PRELID2: variants seen among roughly 807,000 people sequenced by gnomAD.
PRELID2 encodes the protein PRELI domain containing 2.
PRELID2 carries 25 observed loss-of-function variants against 28.4 expected under a neutral mutation model. That is an observed-to-expected ratio of 0.88 (90% CI 0.64 to 1.23). The LOEUF (loss-of-function observed/expected upper bound fraction) is 1.23, where lower values mean the gene tolerates loss of function less well. PRELID2 is among the 50% of genes most tolerant of loss of function. The probability of loss-of-function intolerance (pLI) is 0.00; values close to 1 mark genes in which losing one functional copy is unlikely to be tolerated. For missense variants in PRELID2, 201 were observed against 214.4 expected (o/e 0.94, Z 0.39); for synonymous variants, 76 against 71.6 (o/e 1.06, Z -0.31).
At chr5:145,454,398 C>T in the PRELID2 span, among the ~76,000 whole-genome samples, 1 of 152,148 alleles carries the variant, frequency 6.6e-6, no homozygotes, top group Non-Finnish European at 1.5e-5. Flanking sequence ...CTCACCACTC[C>T]TATTCAACAT....
At chr5:145,485,914 T>C (rs1405443158) in intron 1 of PRELID2, among the ~76,000 whole-genome samples, 1 of 152,226 alleles carries the variant, frequency 6.6e-6, no homozygotes, top group Non-Finnish European at 1.5e-5. Context: ...TGAAAAATTA[T>C]TTATATAGGT....
At chr5:145,467,104 A>G (rs1045910050), downstream of PRELID2, among the ~76,000 whole-genome samples, 4 of 152,168 alleles carry the variant, frequency 2.6e-5, no homozygotes, top group African/African-American at 4.8e-5. Context: ...AAACCCAGGA[A>G]GACCCTTTCC....
At chr5:145,573,290 C>T (rs368733032) in intron 1 of PRELID2, among the ~76,000 whole-genome samples, 16 of 152,192 alleles carry the variant, frequency 1.1e-4, no homozygotes, top group African/African-American at 3.9e-4. Context: ...AACTAGTCCC[C>T]AAATAATTGG....
intron 6 of PRELID2, among the ~76,000 whole-genome samples, chr5:145,761,732 T>C (rs1341269387): frequency 6.6e-6 from 1 of 152,200 alleles, no homozygotes; most frequent in Non-Finnish European, 1.5e-5. Flanking sequence ...AAACTTTGTG[T>C]ATAAAAGCAG....
At chr5:145,700,782 A>C (rs1281193586) in intron 1 of PRELID2, among the ~76,000 whole-genome samples, 1 of 152,170 alleles carries the variant, frequency 6.6e-6, no homozygotes, top group South Asian at 2.1e-4. Context: ...ACAAATACCA[A>C]TATCGGTTCC....
the PRELID2 span, chr5:145,441,232 GC>G: frequency 6.6e-6 from 1 of 152,010 alleles, no homozygotes; most frequent in Non-Finnish European, 1.5e-5. Flanking sequence ...AAGAACATTA[GC>G]ACCTAAGGCC....
At chr5:145,736,013 A>G (rs1161847236) in intron 1 of PRELID2, among the ~76,000 whole-genome samples, 1 of 152,118 alleles carries the variant, frequency 6.6e-6, no homozygotes, top group Non-Finnish European at 1.5e-5. Flanking sequence ...GTCACCCAGG[A>G]CCTCTCATCA....
the PRELID2 span, among the ~76,000 whole-genome samples, chr5:145,463,066 A>G: frequency 2.2e-3 from 340 of 152,280 alleles, 1 homozygote; most frequent in African/African-American, 7.5e-3. Context: ...TATGTTGAAA[A>G]ATGAAACTGA....
the PRELID2 span, among the ~76,000 whole-genome samples, chr5:145,301,930 CTTTT>C: frequency 4.5e-5 from 5 of 110,184 alleles, no homozygotes; most frequent in African/African-American, 1.0e-4. Flanking sequence ...TTATTCATTT[CTTTT>C]TTTTTTTTTT....
chr5:145,230,515 G>A, the PRELID2 span, among the ~76,000 whole-genome samples: 1 of 152,058 alleles, frequency 6.6e-6, no homozygotes, highest in Non-Finnish European at 1.5e-5. Flanking sequence ...GGAGGTGGAG[G>A]TTGCAGTGAG....
chr5:145,620,119 A>G (rs1005493771), intron 1 of PRELID2, among the ~76,000 whole-genome samples: 1 of 152,200 alleles, frequency 6.6e-6, no homozygotes, highest in Admixed American at 6.5e-5. Context: ...TGTAAACCTG[A>G]ACACATTCAT....
chr5:145,481,623 CAAAAAAAAAAAAAAAA>C lies in PRELID2; in HGVS notation n.71-8324_71-8309del, dbSNP rs70998021. On this transcript the variant is annotated intron_variant and non_coding_transcript_variant, in intron 1 of 2. Transcript: ENST00000510259. Reference sequence around the variant, plus strand: ...CTGGGTGATAAGAAAGCAAGGAAATCAAAAAAAAAAAAAAAAAAAAAAAAAAAAAAGAAAGAAAGAA... The same window carrying C: ...CTGGGTGATAAGAAAGCAAGGAAATCAAAAAAAAAAAAAAGAAAGAAAGAA... Among the ~76,000 whole-genome samples, 102 of 41,870 alleles carry C rather than the reference CAAAAAAAAAAAAAAAA, an allele frequency of 2.4e-3. 1 individual carries two copies. Among genetic ancestry groups the C allele is most frequent in the African/African-American group, 0.011 (95 of 8,468 alleles). 27.5% of individuals were successfully genotyped at this position (41,870 alleles called of 152,430 possible). A position where few individuals can be genotyped will look rare whatever the true frequency, so the allele number is the denominator to read the frequency against.
the PRELID2 span, among the ~76,000 whole-genome samples, chr5:145,261,108 C>T: frequency 9.9e-5 from 15 of 152,222 alleles, no homozygotes; most frequent in African/African-American, 3.1e-4. Flanking sequence ...CACCCAGGAA[C>T]GTAATTTCAT....
chr5:145,557,700 C>A (rs1274354394), intron 1 of PRELID2, among the ~76,000 whole-genome samples: 1 of 152,152 alleles, frequency 6.6e-6, no homozygotes, highest in African/African-American at 2.4e-5. Flanking sequence ...GGCACTATTT[C>A]ATTTTAATTC....
At chr5:145,428,053 G>T in the PRELID2 span, among the ~76,000 whole-genome samples, 1 of 152,088 alleles carries the variant, frequency 6.6e-6, no homozygotes, top group Non-Finnish European at 1.5e-5. Flanking sequence ...CTGCCTCCTG[G>T]GTTCAAGCGA....
chr5:145,410,034 A>C, the PRELID2 span, among the ~76,000 whole-genome samples: 1 of 152,208 alleles, frequency 6.6e-6, no homozygotes, highest in African/African-American at 2.4e-5. Context: ...GATCTTTGAC[A>C]AAGTAAACAA....
chr5:145,385,213 A>G, the PRELID2 span, among the ~76,000 whole-genome samples: 1 of 152,226 alleles, frequency 6.6e-6, no homozygotes, highest in Non-Finnish European at 1.5e-5. Context: ...TATCTTTTAT[A>G]AAAATTAGAA....
chr5:145,570,528 A>G (rs571998858), intron 1 of PRELID2, among the ~76,000 whole-genome samples: 1 of 152,356 alleles, frequency 6.6e-6, no homozygotes, highest in African/African-American at 2.4e-5. Flanking sequence ...TGCTGATGCT[A>G]TGAGCTTCAG....
At chr5:145,293,996 G>A in the PRELID2 span, among the ~76,000 whole-genome samples, 1 of 152,266 alleles carries the variant, frequency 6.6e-6, no homozygotes, top group African/African-American at 2.4e-5. Context: ...AGAGCTTCAA[G>A]TTGTGTCAAC....
Sources: allele counts gnomAD v4.1 joint callset (sites outside exome capture counted in the v4.1 genomes callset), GRCh38; gene constraint gnomAD v4.1.1; transcripts MANE v1.5; gene names NCBI Gene and HGNC (gene_info 2026-07-23, HGNC 2026-07-21).